BRIP1: variants seen among roughly 807,000 people sequenced by gnomAD.
BRIP1 encodes Fanconi anemia group J protein.
In BRIP1, 88 loss-of-function variants were observed where a neutral mutation model predicts 119.7. The observed-to-expected ratio is 0.74, with a 90% CI of 0.62 to 0.88. BRIP1 has a LOEUF of 0.88. Among genes scored for constraint, BRIP1 ranks in the 40% least tolerant of loss-of-function variants. BRIP1 has a pLI of 0.00. For missense variants in BRIP1, 1,259 were observed against 1,455.4 expected, an observed-to-expected ratio of 0.87 and a Z score of 2.20; for synonymous variants, 443 against 496.5, an observed-to-expected ratio of 0.89 and a Z score of 1.43.
intron 6 of BRIP1, among the ~76,000 whole-genome samples, chr17:61,818,199 A>AG (rs200884848): frequency 2.6e-3 from 278 of 108,106 alleles, no homozygotes; most frequent in Middle Eastern, 0.015. Flanking sequence ...AAAAGGGGGG[A>AG]GGGGGGGGAA....
At chr17:61,787,226 T>C (rs2077737034) in intron 10 of BRIP1, among the ~76,000 whole-genome samples, 1 of 57,896 alleles carries the variant, frequency 1.7e-5, no homozygotes, top group South Asian at 8.2e-4. Flanking sequence ...TATTATATAC[T>C]ATATAAAATA....
Position 61,686,069 on chromosome 17 carries a change from ACTTTTTGATG to A in BRIP1, c.2662_2671del (p.His888PhefsTer6). Reference sequence around the variant, plus strand: ...TCTGTCCTTTATGGATACATTAAGAACTTTTTGATGCTTTTTGGAAAATTCAGCCAAGGAT... The same window carrying A: ...TCTGTCCTTTATGGATACATTAAGAACTTTTTGGAAAATTCAGCCAAGGAT... On this transcript the variant is annotated frameshift_variant, in exon 19 of 20. Transcript: ENST00000259008. LOFTEE classifies it high-confidence loss of function. This position sits in a 1 kb window ranked among gnomAD's most constrained non-coding sequence, Gnocchi z 5.4. 6.2e-7 allele frequency: 1 copy of A among 1,613,986 alleles called. No homozygotes were observed. Among genetic ancestry groups the A allele is most frequent in the Non-Finnish European group, 8.5e-7 (1 of 1,179,900 alleles).
intron 18 of BRIP1, among the ~76,000 whole-genome samples, chr17:61,688,966 A>G (rs1208313716): frequency 6.6e-6 from 1 of 150,488 alleles, no homozygotes; most frequent in African/African-American, 2.5e-5. Flanking sequence ...AGACTTGATC[A>G]AGCAGAAGGA....
rs2078658298 is a variant in BRIP1, at chr17:61,841,592, T to C, written c.627+5509A>G. Among the ~76,000 whole-genome samples, 1 of 152,136 alleles carries C rather than the reference T, an allele frequency of 6.6e-6. No homozygotes were observed. Among genetic ancestry groups the C allele is most frequent in the South Asian group, 2.1e-4 (1 of 4,832 alleles). Reference sequence around the variant, plus strand: ...TGTGGAGAAGAAACTCATATACTATTAGTGGAAATGTAAATTAGTACAGAC... The same window carrying C: ...TGTGGAGAAGAAACTCATATACTATCAGTGGAAATGTAAATTAGTACAGAC... On this transcript the variant is annotated intron_variant, in intron 6 of 19. Transcript: ENST00000259008. The surrounding 1 kb of genome is among the most constrained non-coding windows in gnomAD (Gnocchi z 4.1).
chr17:61,708,705 G>C lies in BRIP1; in HGVS notation c.2492+7246C>G, dbSNP rs752096368. On this transcript the variant is annotated intron_variant, in intron 17 of 19. Coordinates refer to ENST00000259008, the MANE Select transcript of BRIP1 (RefSeq NM_032043.3). This position sits in a 1 kb window ranked among gnomAD's most constrained non-coding sequence, Gnocchi z 4.4. Reference sequence around the variant, plus strand: ...TGGTGAAGACTCTGCACTTACTTAAGAGTAAGGCACTAAAACACTGATTGG... The same window carrying C: ...TGGTGAAGACTCTGCACTTACTTAACAGTAAGGCACTAAAACACTGATTGG... Among the ~76,000 whole-genome samples, 8 of 152,148 alleles carry C rather than the reference G, an allele frequency of 5.3e-5. No individual in the cohort carries two copies. The highest frequency in any genetic ancestry group is 1.0e-4 in the Non-Finnish European group (7 of 68,034).
chr17:61,829,556 TG>T (rs2078458501), intron 6 of BRIP1, among the ~76,000 whole-genome samples: 1 of 151,206 alleles, frequency 6.6e-6, no homozygotes, highest in African/African-American at 2.4e-5. Context: ...TCAACAAACT[TG>T]ACCTAACTGA....
At chr17:61,714,244 C>CTACA (rs2061823532) in intron 17 of BRIP1, among the ~76,000 whole-genome samples, 2 of 152,072 alleles carry the variant, frequency 1.3e-5, no homozygotes, top group South Asian at 4.2e-4. Flanking sequence ...TTTATAAAGC[C>CTACA]TACAGTTAGT....
At chr17:61,797,762 A>T (rs2077923970) in intron 9 of BRIP1, among the ~76,000 whole-genome samples, 1 of 152,048 alleles carries the variant, frequency 6.6e-6, no homozygotes, top group African/African-American at 2.4e-5. Context: ...ATAAGAACAA[A>T]AAAAGGACAG....
rs575056047 is a variant in BRIP1 at position 61,681,058 on chromosome 17, G to T, written c.*2238C>A. 2.6e-5 allele frequency among the ~76,000 whole-genome samples: 4 copies of T among 152,214 alleles called. No homozygotes were observed. In the East Asian group the frequency reaches 7.7e-4, roughly 29 times the overall value. ...AAGAATGAGAGTGAAGCAGGGAAAAGCTCCTTATAAAATCATCAGGTCTCA... is the reference window on the plus strand; with the variant it reads ...AAGAATGAGAGTGAAGCAGGGAAAATCTCCTTATAAAATCATCAGGTCTCA... On this transcript the variant is annotated 3_prime_UTR_variant, in exon 20 of 20. Coordinates refer to ENST00000259008, the MANE Select transcript of BRIP1 (RefSeq NM_032043.3). This position sits in a 1 kb window ranked among gnomAD's most constrained non-coding sequence, Gnocchi z 5.1.
chr17:61,771,636 A>G (rs1462796119), intron 14 of BRIP1, among the ~76,000 whole-genome samples: 2 of 152,176 alleles, frequency 1.3e-5, no homozygotes, highest in African/African-American at 4.8e-5. Context: ...TGCATTGACT[A>G]TAAAAAAAAC....
In BRIP1 at chr17:61,683,095, C is replaced by T. The variant is rs2061291329; in HGVS notation, c.*201G>A. The T allele has an allele frequency of 1.7e-6, 1 of 582,586 alleles. No individual in the cohort carries two copies. Among genetic ancestry groups the T allele is most frequent in the East Asian group, 3.2e-5 (1 of 31,348 alleles). The allele number at this position is 582,586 out of a possible 1,614,324, so 36.1% of individuals were successfully genotyped here. ...GCAGTGAGCCCAGAGCACACCACTG[C>T]ATTCCAGCCTGGGCAACAGACCAAG... On this transcript the variant is annotated 3_prime_UTR_variant, in exon 20 of 20. Coordinates refer to ENST00000259008, the MANE Select transcript of BRIP1 (RefSeq NM_032043.3). The surrounding 1 kb of genome is among the most constrained non-coding windows in gnomAD (Gnocchi z 4.7).
At chr17:61,839,501 C>T (rs1434162968) in intron 6 of BRIP1, among the ~76,000 whole-genome samples, 2 of 151,988 alleles carry the variant, frequency 1.3e-5, no homozygotes, top group African/African-American at 4.8e-5. Context: ...AGAGCTCAAC[C>T]ATATGTTCTT....
chr17:61,777,088 G>A (rs922708469), intron 13 of BRIP1, among the ~76,000 whole-genome samples: 2 of 152,152 alleles, frequency 1.3e-5, no homozygotes, highest in Non-Finnish European at 2.9e-5. Flanking sequence ...CTTATATGTA[G>A]AGAGAGGGAG....
intron 14 of BRIP1, among the ~76,000 whole-genome samples, chr17:61,749,692 A>G (rs2077106853): frequency 6.6e-6 from 1 of 152,218 alleles, no homozygotes; most frequent in Non-Finnish European, 1.5e-5. Flanking sequence ...CAGAAAAGGA[A>G]ATAAAAATCA....
chr17:61,786,933 ATAATATATT>A lies in BRIP1; in HGVS notation c.1474-2518_1474-2510del, dbSNP rs1393571911. Among the ~76,000 whole-genome samples, 3 of 6,712 alleles carry A rather than the reference ATAATATATT, an allele frequency of 4.5e-4. No homozygotes were observed. In the East Asian group the frequency reaches 0.02, roughly 44 times the overall value. 4.4% of individuals were successfully genotyped at this position (6,712 alleles called of 152,430 possible). A position where few individuals can be genotyped will look rare whatever the true frequency, so the allele number is the denominator to read the frequency against. The stretch of plus-strand genomic sequence containing the variant: ...TAAATATAAAAATATATATTTATAT[ATAATATATT>A]TATATATAATATATTTATATTATAT... On this transcript the variant is annotated intron_variant, in intron 10 of 19. Coordinates refer to ENST00000259008, the MANE Select transcript of BRIP1 (RefSeq NM_032043.3).
intron 10 of BRIP1, among the ~76,000 whole-genome samples, chr17:61,787,399 T>A (rs1301450151): frequency 1.5e-5 from 2 of 131,498 alleles, no homozygotes; most frequent in Admixed American, 8.3e-5. Flanking sequence ...AGTATATATA[T>A]TTATATAAAA....
In BRIP1 at chr17:61,751,160, G is replaced by A. The variant is rs2144758135; in HGVS notation, c.2098-6569C>T. Among the ~76,000 whole-genome samples, 1 of 152,278 alleles carries A rather than the reference G, an allele frequency of 6.6e-6. No individual in the cohort carries two copies. Among genetic ancestry groups the A allele is most frequent in the East Asian group, 1.9e-4 (1 of 5,182 alleles). ...GAAAATTATTCAACTATAAAGGAAT[G>A]AAATTCTGACAAATGCTTGAATATG... is the stretch of plus-strand genomic sequence containing the variant. On this transcript the variant is annotated intron_variant, in intron 14 of 19. Coordinates refer to ENST00000259008, the MANE Select transcript of BRIP1 (RefSeq NM_032043.3). The surrounding 1 kb of genome is among the most constrained non-coding windows in gnomAD (Gnocchi z 6.7).
rs2144673969 is a variant in BRIP1 at position 61,742,973 on chromosome 17, G to T, written c.2379+40C>A. On this transcript the variant is annotated intron_variant, in intron 16 of 19. Transcript: ENST00000259008. This position sits in a 1 kb window ranked among gnomAD's most constrained non-coding sequence, Gnocchi z 4.7. ...GCAATTAACTTTATACAAAACCAAT[G>T]ACTCCTGTAATAATAAAACTTAAGG... The T allele has an allele frequency of 1.2e-6, 2 of 1,609,012 alleles. No individual in the cohort carries two copies. The highest frequency in any genetic ancestry group is 2.2e-5 in the South Asian group (2 of 90,754).
In BRIP1 at chr17:61,743,337, G is replaced by A. The variant is rs997463468; in HGVS notation, c.2258-203C>T. Among the ~76,000 whole-genome samples, 1 of 152,072 alleles carries A rather than the reference G, an allele frequency of 6.6e-6. No individual in the cohort carries two copies. On this transcript the variant is annotated intron_variant, in intron 15 of 19. Transcript: ENST00000259008. The surrounding 1 kb of genome is among the most constrained non-coding windows in gnomAD (Gnocchi z 4.3). ...CAAAATTACATTTATATGCAAAAGG[G>A]TAGCAAACCAATTTACAAACTCTGC... is the stretch of plus-strand genomic sequence containing the variant.
Sources: allele counts gnomAD v4.1 joint callset (sites outside exome capture counted in the v4.1 genomes callset), GRCh38; gene constraint gnomAD v4.1.1; non-coding constraint Gnocchi (gnomAD v3.1); transcripts MANE v1.5; gene names NCBI Gene and HGNC (gene_info 2026-07-23, HGNC 2026-07-21).